Variants in FBLN1 observed in about 807,000 individuals in gnomAD.
FBLN1 encodes the protein fibulin-1.
Under a neutral mutation model 89.7 loss-of-function variants are expected in FBLN1, and 34 were observed. That is an observed-to-expected ratio of 0.38 (90% CI 0.29 to 0.50). The LOEUF (loss-of-function observed/expected upper bound fraction) is 0.50, where lower values mean the gene tolerates loss of function less well. Ranked by LOEUF, FBLN1 falls within the 20% of genes least tolerant of loss-of-function variation. The pLI, the probability that FBLN1 is intolerant of heterozygous loss-of-function variation, is 0.92. For synonymous variants in FBLN1, 393 were observed against 391.3 expected, an observed-to-expected ratio of 1.00 and a Z score of -0.05; for missense variants, 777 against 988.1, an observed-to-expected ratio of 0.79 and a Z score of 2.86.
At position 45,541,349 on chromosome 22, in the gene FBLN1, A is replaced by G; in HGVS notation, c.1043A>G (p.Asn348Ser). 6.2e-7 allele frequency: 1 copy of G among 1,614,254 alleles called. No homozygotes were observed. The highest frequency in any genetic ancestry group is 1.1e-5 in the South Asian group (1 of 91,086). The change falls in exon 9 of 17, where the codon AAC (asparagine) becomes AGC (serine). Residue 348 changes from asparagine to serine, a missense_variant. Coordinates refer to ENST00000327858, the MANE Select transcript of FBLN1 (RefSeq NM_006486.3). ...AACTGTGGCCGTGGCTACCATCTCA[A>G]CGAGGAGGGAACGCGCTGTGTTGGT... is the stretch of plus-strand genomic sequence containing the variant. Reference protein sequence around the residue: ...VPNCGRGYHLNEEGTRCVDVD... With the variant: ...VPNCGRGYHLSEEGTRCVDVD...
Position 45,527,976 on chromosome 22 carries a change from G to A in FBLN1, c.451G>A (p.Gly151Arg), listed in dbSNP as rs765733819. The A allele has an allele frequency of 1.5e-5, 24 of 1,614,140 alleles. No homozygotes were observed. The highest frequency in any genetic ancestry group is 2.7e-5 in the African/African-American group (2 of 74,962). ...QACCVKSQET[G>R]DLDVGGLQET... ...ATGCTGTGTCAAGAGCCAGGAGACCGGAGATTTGGATGTCGGGGGCCTCCA... is the reference window on the plus strand; with the variant it reads ...ATGCTGTGTCAAGAGCCAGGAGACCAGAGATTTGGATGTCGGGGGCCTCCA... The change falls in exon 4 of 17, where the codon GGA (glycine) becomes AGA (arginine). Residue 151 changes from glycine to arginine, a missense_variant. Gly to Arg is a moderately radical substitution (Grantham distance 125, BLOSUM62 -2). Transcript: ENST00000327858.
chr22:45,598,733 A>C (rs2089206857), intron 16 of FBLN1, among the ~76,000 whole-genome samples: 1 of 152,174 alleles, frequency 6.6e-6, no homozygotes, highest in African/African-American at 2.4e-5. Flanking sequence ...CCTGTTTAGC[A>C]CATGTGTGCA....
intron 2 of FBLN1, among the ~76,000 whole-genome samples, chr22:45,524,614 A>T (rs1329927067): frequency 6.6e-6 from 1 of 152,048 alleles, no homozygotes; most frequent in Non-Finnish European, 1.5e-5. Flanking sequence ...TTGACCTGAT[A>T]AAGGGGTGGA....
intron 1 of FBLN1, 53 bp downstream of exon 1, chr22:45,503,117 C>T (rs2087969381): frequency 8.3e-7 from 1 of 1,198,870 alleles, no homozygotes; most frequent in African/African-American, 1.6e-5. Flanking sequence ...CCCCCTCGGC[C>T]TCGCGCTCCC....
At chr22:45,533,274 G>A in intron 6 of FBLN1, 110 bp downstream of exon 6, 2 of 1,030,126 alleles carry the variant, frequency 1.9e-6, no homozygotes, top group Non-Finnish European at 3.0e-6. Context: ...CCCCATTCAG[G>A]GGTGGAGAGC....
Position 45,578,782 on chromosome 22 carries a change from T to C in FBLN1, c.1972+1674T>C, listed in dbSNP as rs2147031099. 6.6e-6 allele frequency among the ~76,000 whole-genome samples: 1 copy of C among 152,318 alleles called. No homozygotes were observed. Among genetic ancestry groups the C allele is most frequent in the South Asian group, 2.1e-4 (1 of 4,832 alleles). On this transcript the variant is annotated intron_variant, in intron 16 of 16. Coordinates refer to ENST00000327858, the MANE Select transcript of FBLN1 (RefSeq NM_006486.3). The surrounding 1 kb of genome is among the most constrained non-coding windows in gnomAD (Gnocchi z 4.6). ...CAGGTGATTTCTAGATCTTGGAACA[T>C]GGGAGTTTGGAATCCTAGGACCTTC...
At chr22:45,521,362 G>A (rs548655326) in intron 2 of FBLN1, among the ~76,000 whole-genome samples, 13 of 152,302 alleles carry the variant, frequency 8.5e-5, no homozygotes, top group African/African-American at 3.1e-4. Flanking sequence ...GTCACCAGAT[G>A]CAAGTGACTG....
Position 45,579,184 on chromosome 22 carries a change from C to T in FBLN1, c.1972+2076C>T, listed in dbSNP as rs944273622. On this transcript the variant is annotated intron_variant, in intron 16 of 16. Transcript: ENST00000327858. The surrounding 1 kb of genome is among the most constrained non-coding windows in gnomAD (Gnocchi z 5.5). ...CTGCATCTGCTCCAGACAGAACCAACCTGGGAGTGTCTGTTTCTCAGCTTC... is the reference window on the plus strand; with the variant it reads ...CTGCATCTGCTCCAGACAGAACCAATCTGGGAGTGTCTGTTTCTCAGCTTC... Among the ~76,000 whole-genome samples the T allele has an allele frequency of 2.6e-5, 4 of 152,238 alleles. No individual in the cohort carries two copies. Among genetic ancestry groups the T allele is most frequent in the Non-Finnish European group, 4.4e-5 (3 of 68,046 alleles).
At chr22:45,547,386 G>GTTTTTT (rs5845717) in intron 12 of FBLN1, among the ~76,000 whole-genome samples, 182 bp downstream of exon 12, 3 of 53,676 alleles carry the variant, frequency 5.6e-5, no homozygotes, top group African/African-American at 1.3e-4. Context: ...TCCAACTGAG[G>GTTTTTT]TTTTTTTTTT....
intron 1 of FBLN1, 105 bp from the exon 2 acceptor site, chr22:45,518,577 T>A: frequency 1.2e-6 from 1 of 829,620 alleles, no homozygotes; most frequent in Non-Finnish European, 2.0e-6. Flanking sequence ...AGCCTGATGC[T>A]GTCGTCAAGA....
rs1569270713 is a variant in FBLN1, at chr22:45,596,870, ACT to A, written c.1973-3436_1973-3435del. ...TGTAAATTTATAAAATACACTTTAA[ACT>A]ATTTAAAATACAGTTATATAAATTT... On this transcript the variant is annotated intron_variant, in intron 16 of 16. Transcript: ENST00000327858. 3.0e-4 allele frequency among the ~76,000 whole-genome samples: 24 copies of A among 79,552 alleles called. No homozygotes were observed. In the African/African-American group the frequency reaches 3.4e-3, roughly 11 times the overall value. 52.2% of individuals were successfully genotyped at this position (79,552 alleles called of 152,430 possible).
rs2089012667 is a variant in FBLN1 at position 45,578,058 on chromosome 22, T to C, written c.1972+950T>C. Reference sequence around the variant, plus strand: ...GTCCCTGACCTCCCCTGGGCCTCAGTTTCCCCATTGTGAACTGGGAGGAGT... The same window carrying C: ...GTCCCTGACCTCCCCTGGGCCTCAGCTTCCCCATTGTGAACTGGGAGGAGT... On this transcript the variant is annotated intron_variant, in intron 16 of 16. Coordinates refer to ENST00000327858, the MANE Select transcript of FBLN1 (RefSeq NM_006486.3). The surrounding 1 kb of genome is among the most constrained non-coding windows in gnomAD (Gnocchi z 4.6). 2.0e-5 allele frequency: 3 copies of C among 152,424 alleles called. No homozygotes were observed. In the South Asian group the frequency reaches 6.2e-4, roughly 32 times the overall value. 9.4% of individuals were successfully genotyped at this position (152,424 alleles called of 1,614,324 possible).
At chr22:45,554,104 G>T (rs1369948837) in intron 14 of FBLN1, among the ~76,000 whole-genome samples, 1 of 152,256 alleles carries the variant, frequency 6.6e-6, no homozygotes, top group Admixed American at 6.5e-5. Context: ...CTATCAGCAA[G>T]TTCTGCATCC....
chr22:45,559,381 G>C (rs1268484520), intron 14 of FBLN1, among the ~76,000 whole-genome samples: 21 of 152,206 alleles, frequency 1.4e-4, no homozygotes, highest in Admixed American at 1.4e-3. Context: ...TCAAGTTTTT[G>C]ATGGTGACAC....
rs193054732 is a variant in FBLN1 at position 45,551,749 on chromosome 22, C to T, written c.1697+1134C>T. 8.5e-5 allele frequency among the ~76,000 whole-genome samples: 13 copies of T among 152,388 alleles called. No individual in the cohort carries two copies. In the East Asian group the frequency reaches 2.5e-3, roughly 29 times the overall value. On this transcript the variant is annotated intron_variant, in intron 14 of 16. Coordinates refer to ENST00000327858, the MANE Select transcript of FBLN1 (RefSeq NM_006486.3). Reference sequence around the variant, plus strand: ...CAACAGCCTGCCCCAGGCAGTGACACTGCTTCTCTGAGCCATTAAGAAAGT... The same window carrying T: ...CAACAGCCTGCCCCAGGCAGTGACATTGCTTCTCTGAGCCATTAAGAAAGT...
intron 1 of FBLN1, among the ~76,000 whole-genome samples, chr22:45,510,806 C>T (rs2088089761): frequency 6.6e-6 from 1 of 152,192 alleles, no homozygotes; most frequent in Admixed American, 6.6e-5. Context: ...CGCTGATCTA[C>T]ACCATAATCT....
Position 45,574,209 on chromosome 22 carries a change from T to C in FBLN1, c.1698-302T>C, listed in dbSNP as rs976934009. Among the ~76,000 whole-genome samples, 1 of 152,250 alleles carries C rather than the reference T, an allele frequency of 6.6e-6. No homozygotes were observed. Among genetic ancestry groups the C allele is most frequent in the Non-Finnish European group, 1.5e-5 (1 of 68,044 alleles). On this transcript the variant is annotated intron_variant, in intron 14 of 16. Transcript: ENST00000327858. This position sits in a 1 kb window ranked among gnomAD's most constrained non-coding sequence, Gnocchi z 4.1. ...GTGAACCTGTGACTCTATTTTGCCA[T>C]TGTAGCTATTGATGCTCAATTCGTG...
chr22:45,557,826 C>A lies in FBLN1; in HGVS notation c.1697+7211C>A, dbSNP rs972249534. 5.3e-5 allele frequency among the ~76,000 whole-genome samples: 8 copies of A among 152,236 alleles called. No homozygotes were observed. The highest frequency in any genetic ancestry group is 2.9e-5 in the Non-Finnish European group (2 of 68,046). On this transcript the variant is annotated intron_variant, in intron 14 of 16. Coordinates refer to ENST00000327858, the MANE Select transcript of FBLN1 (RefSeq NM_006486.3). This position sits in a 1 kb window ranked among gnomAD's most constrained non-coding sequence, Gnocchi z 4.9. ...CCAAGTCCCTGACCATCCAGCCAAA[C>A]CATTGGCCACAGCCCATGAATCAGT...
At chr22:45,599,932 A>G (rs1247679514) in intron 16 of FBLN1, among the ~76,000 whole-genome samples, 5 of 152,332 alleles carry the variant, frequency 3.3e-5, no homozygotes, top group East Asian at 1.9e-4. Flanking sequence ...ACAAAAGACA[A>G]ACAAAAAACA....
Sources: allele counts gnomAD v4.1 joint callset (sites outside exome capture counted in the v4.1 genomes callset), GRCh38; gene constraint gnomAD v4.1.1; non-coding constraint Gnocchi (gnomAD v3.1); transcripts MANE v1.5; gene names NCBI Gene and HGNC (gene_info 2026-07-23, HGNC 2026-07-21).